The following MGAT4C variants were observed in gnomAD, a reference collection of about 807,000 sequenced individuals.
MGAT4C encodes the protein MGAT4 family member C, also known as alpha-1,3-mannosyl-glycoprotein 4-beta-N-acetylglucosaminyltransferase C.
A neutral mutation model predicts 40.1 loss-of-function variants in MGAT4C; 19 were observed. That is an observed-to-expected ratio of 0.47 (90% CI 0.33 to 0.70). The LOEUF (loss-of-function observed/expected upper bound fraction) is 0.70. Among genes scored for constraint, MGAT4C ranks in the 30% least tolerant of loss-of-function variants. The pLI is 0.02. For missense variants in MGAT4C, 491 were observed against 563.2 expected (o/e 0.87, Z 1.30); for synonymous variants, 181 against 187.1 (o/e 0.97, Z 0.27).
intron 2 of MGAT4C, among the ~76,000 whole-genome samples, chr12:86,622,279 CAA>C (rs1247901709): frequency 6.6e-6 from 1 of 151,912 alleles, no homozygotes; most frequent in Non-Finnish European, 1.5e-5. Context: ...GTATAGGCAG[CAA>C]AAGTCTTCAG....
intron 2 of MGAT4C, among the ~76,000 whole-genome samples, chr12:86,709,244 T>A (rs941797096): frequency 6.6e-6 from 1 of 152,188 alleles, no homozygotes; most frequent in Non-Finnish European, 1.5e-5. Context: ...GCCATCCATG[T>A]AAGACGTAAC....
rs61323385 is a variant in MGAT4C at position 86,395,869 on chromosome 12, A to G, written c.-120+39288T>C. Among the ~76,000 whole-genome samples the G allele has an allele frequency of 8.9e-3, 1,352 of 152,270 alleles. 24 individuals are homozygous for G. Among genetic ancestry groups the G allele is most frequent in the East Asian group, 0.06 (311 of 5,182 alleles). Reference sequence around the variant, plus strand: ...CTCAGAGTTTCACAAAAATAATTCAATTAGTACCAGGAGTTAACAATACAT... The same window carrying G: ...CTCAGAGTTTCACAAAAATAATTCAGTTAGTACCAGGAGTTAACAATACAT... On this transcript the variant is annotated intron_variant, in intron 3 of 7. Coordinates refer to the MGAT4C transcript ENST00000548651.
At chr12:86,414,460 C>T (rs1956667496) in intron 3 of MGAT4C, among the ~76,000 whole-genome samples, 1 of 152,076 alleles carries the variant, frequency 6.6e-6, no homozygotes, top group South Asian at 2.1e-4. Context: ...GTCCAAGAGC[C>T]TCCTTTATAA....
At chr12:86,189,151 C>T (rs747298756) in intron 1 of MGAT4C, among the ~76,000 whole-genome samples, 13 of 151,636 alleles carry the variant, frequency 8.6e-5, no homozygotes, top group Non-Finnish European at 1.5e-4. Flanking sequence ...CTGTCTTTTC[C>T]TTTTGAAAAC....
chr12:86,430,116 G>T (rs1265872081), intron 3 of MGAT4C, among the ~76,000 whole-genome samples: 5 of 151,794 alleles, frequency 3.3e-5, no homozygotes, highest in Admixed American at 1.3e-4. Flanking sequence ...CTTTCCTATT[G>T]TTTCTATATC....
At chr12:86,215,827 CA>C (rs1296571763) in intron 1 of MGAT4C, among the ~76,000 whole-genome samples, 1 of 152,092 alleles carries the variant, frequency 6.6e-6, no homozygotes, top group Non-Finnish European at 1.5e-5. Flanking sequence ...AGAGATCAAG[CA>C]AAGGTACCTG....
chr12:86,104,384 G>A (rs1314727095), intron 1 of MGAT4C, among the ~76,000 whole-genome samples: 1 of 152,044 alleles, frequency 6.6e-6, no homozygotes, highest in Non-Finnish European at 1.5e-5. Context: ...AGGTTACAGT[G>A]AGCCGAGATA....
intron 1 of MGAT4C, among the ~76,000 whole-genome samples, chr12:86,148,733 T>C (rs1011727793): frequency 1.3e-5 from 2 of 152,150 alleles, no homozygotes; most frequent in Admixed American, 6.5e-5. Context: ...TACCATTATA[T>C]GGAATTGCAG....
intron 2 of MGAT4C, among the ~76,000 whole-genome samples, chr12:86,445,508 G>A (rs1957317773): frequency 1.3e-5 from 2 of 152,102 alleles, no homozygotes; most frequent in African/African-American, 4.8e-5. Context: ...TGCTGAAAAT[G>A]TACTCATCTT....
chr12:86,344,476 C>T (rs1592720162), intron 3 of MGAT4C, among the ~76,000 whole-genome samples: 1 of 152,112 alleles, frequency 6.6e-6, no homozygotes, highest in Non-Finnish European at 1.5e-5. Flanking sequence ...TGAAAAATAA[C>T]ACTTTTAAAA....
chr12:86,791,437 T>G (rs1223142701), intron 1 of MGAT4C, among the ~76,000 whole-genome samples: 1 of 144,980 alleles, frequency 6.9e-6, no homozygotes. Context: ...AACTGTTTTT[T>G]TTTTTTTTTT....
chr12:85,989,240 T>A (rs1020318911), intron 3 of MGAT4C, among the ~76,000 whole-genome samples, 160 bp downstream of exon 3: 2 of 152,028 alleles, frequency 1.3e-5, no homozygotes, highest in African/African-American at 2.4e-5. Flanking sequence ...GTAATGTTGA[T>A]GTATGGTTAA....
chr12:86,284,789 C>T (rs1281601979), intron 4 of MGAT4C, among the ~76,000 whole-genome samples: 5 of 151,910 alleles, frequency 3.3e-5, no homozygotes, highest in African/African-American at 1.2e-4. Flanking sequence ...CTCCCATGTG[C>T]AAACAACCAT....
At chr12:86,011,886 A>G (rs1888495116) in intron 2 of MGAT4C, 1 of 984,102 alleles carries the variant, frequency 1.0e-6, no homozygotes, top group Non-Finnish European at 1.2e-6. Flanking sequence ...ATAAACTTCC[A>G]TGTCACATGC....
intron 1 of MGAT4C, among the ~76,000 whole-genome samples, chr12:86,178,567 G>T (rs761423187): frequency 6.6e-6 from 1 of 152,144 alleles, no homozygotes; most frequent in Non-Finnish European, 1.5e-5. Flanking sequence ...TTGTAGTTAA[G>T]TAAGTCTGCA....
chr12:86,648,521 C>T (rs966383851), intron 2 of MGAT4C, among the ~76,000 whole-genome samples: 7 of 151,718 alleles, frequency 4.6e-5, no homozygotes, highest in Non-Finnish European at 5.9e-5. Flanking sequence ...ATCTGTATAT[C>T]GCATTCCCAG....
intron 1 of MGAT4C, among the ~76,000 whole-genome samples, chr12:86,239,392 A>G (rs1951684829): frequency 6.6e-6 from 1 of 152,092 alleles, no homozygotes; most frequent in Non-Finnish European, 1.5e-5. Flanking sequence ...AAATTAATTT[A>G]AGAAGCCACA....
chr12:86,154,841 G>A (rs560901897), intron 1 of MGAT4C, among the ~76,000 whole-genome samples: 3 of 152,252 alleles, frequency 2.0e-5, no homozygotes, highest in East Asian at 3.9e-4. Context: ...CCACGTGCCT[G>A]ATCCTGTTCC....
intron 1 of MGAT4C, among the ~76,000 whole-genome samples, chr12:86,079,817 TA>T (rs1870490484): frequency 6.6e-6 from 1 of 151,932 alleles, no homozygotes; most frequent in Admixed American, 6.6e-5. Context: ...CTTTAAACAC[TA>T]AAAATATTCA....
Sources: gnomAD v4.1 joint callset for allele counts (sites outside exome capture counted in the v4.1 genomes callset) on GRCh38, gnomAD v4.1.1 for gene constraint, MANE v1.5 for transcripts, NCBI Gene and HGNC (gene_info 2026-07-23, HGNC 2026-07-21) for gene names.